The following TTC3 variants were observed in gnomAD, a reference collection of about 807,000 sequenced individuals.
The protein encoded by TTC3 is E3 ubiquitin-protein ligase TTC3.
TTC3 carries 180 observed loss-of-function variants against 249.6 expected under a neutral mutation model. The observed-to-expected ratio is 0.72, with a 90% confidence interval of 0.64 to 0.82. The LOEUF is 0.82. Ranked by LOEUF, TTC3 falls within the 40% of genes least tolerant of loss-of-function variation. The pLI, the probability that TTC3 is intolerant of heterozygous loss-of-function variation, is 0.00. For synonymous variants in TTC3, 717 were observed against 805.0 expected (o/e 0.89, Z 1.85); for missense variants, 2,061 against 2,398.4 (o/e 0.86, Z 2.94).
intron 42 of TTC3, 112 bp downstream of exon 42, chr21:37,196,148 G>T: frequency 2.9e-6 from 4 of 1,380,456 alleles, no homozygotes; most frequent in East Asian, 2.5e-5. Flanking sequence ...TTGCATAATT[G>T]TTTTGCTCAG....
intron 31 of TTC3, among the ~76,000 whole-genome samples, chr21:37,162,828 C>G (rs891714632): frequency 2.6e-5 from 4 of 151,860 alleles, no homozygotes; most frequent in South Asian, 2.1e-4. Context: ...GTCCCAAGAT[C>G]AAGGTACTGG....
chr21:37,148,529 A>AT lies in TTC3; in HGVS notation c.2017-11dup. 2 of 1,514,506 alleles carry AT rather than the reference A, an allele frequency of 1.3e-6. No homozygotes were observed. The highest frequency in any genetic ancestry group is 1.8e-6 in the Non-Finnish European group (2 of 1,129,334). The allele number at this position is 1,514,506 out of a possible 1,614,324, so 93.8% of individuals were successfully genotyped here. ...ACATCTTTAAAACGTTAATTAAAAA[A>AT]TTTTTTGTAACCCTAGGGTTTTATA... On this transcript the variant is annotated splice_polypyrimidine_tract_variant and intron_variant, in intron 22 of 45. Coordinates refer to ENST00000355666, the Ensembl canonical transcript of TTC3.
At chr21:37,076,068 T>G (rs766595900) in intron 1 of TTC3, among the ~76,000 whole-genome samples, 62 of 152,226 alleles carry the variant, frequency 4.1e-4, no homozygotes, top group Non-Finnish European at 7.9e-4. Context: ...CTTCCAGAGG[T>G]GACTACCATC....
At chr21:37,131,089 G>A (rs1718601466) in intron 16 of TTC3, among the ~76,000 whole-genome samples, 1 of 152,114 alleles carries the variant, frequency 6.6e-6, no homozygotes, top group African/African-American at 2.4e-5. Flanking sequence ...CTGGTACAGA[G>A]CTCCCAAAAC....
chr21:37,090,406 A>G, intron 6 of TTC3, 120 bp downstream of exon 6: 3 of 1,034,104 alleles, frequency 2.9e-6, no homozygotes, highest in Non-Finnish European at 4.1e-6. Flanking sequence ...ATTTGGTAGT[A>G]TTGACTTCTA....
intron 21 of TTC3, among the ~76,000 whole-genome samples, chr21:37,146,053 C>G (rs1283567525): frequency 1.3e-5 from 2 of 152,178 alleles, no homozygotes; most frequent in African/African-American, 2.4e-5. Flanking sequence ...CATGTTCTCA[C>G]AAAAACTTGT....
chr21:37,095,587 G>A (rs2073857961), intron 9 of TTC3, 143 bp downstream of exon 9: 2 of 550,698 alleles, frequency 3.6e-6, no homozygotes, highest in African/African-American at 3.9e-5. Flanking sequence ...TTGGGTGTTG[G>A]AAGCATTGGA....
chr21:37,186,723 G>A (rs376228528), intron 37 of TTC3, among the ~76,000 whole-genome samples: 11 of 152,300 alleles, frequency 7.2e-5, no homozygotes, highest in African/African-American at 2.2e-4. Flanking sequence ...CACTGTGCCC[G>A]GCCTATACAG....
intron 38 of TTC3, 123 bp downstream of exon 38, chr21:37,187,268 C>G: frequency 1.5e-6 from 1 of 676,780 alleles, no homozygotes; most frequent in South Asian, 2.1e-5. Context: ...ATCCTGTAAC[C>G]CATAATATAT....
chr21:37,150,710 C>G, intron 24 of TTC3, 110 bp from the exon 25 acceptor site: 1 of 760,528 alleles, frequency 1.3e-6, no homozygotes, highest in Non-Finnish European at 2.3e-6. Flanking sequence ...TCACTGTTCT[C>G]TATCAAACTG....
chr21:37,193,554 T>C (rs566652915), intron 41 of TTC3, among the ~76,000 whole-genome samples: 3 of 152,336 alleles, frequency 2.0e-5, no homozygotes, highest in South Asian at 4.1e-4. Context: ...TGGCTCTCAA[T>C]AGGATATTTT....
chr21:37,132,759 C>G lies in TTC3; in HGVS notation c.1436C>G (p.Ala479Gly), dbSNP rs2077580549. 1.9e-6 allele frequency: 3 copies of G among 1,601,298 alleles called. No homozygotes were observed. The East Asian group carries it at 6.8e-5, about 36-fold the overall frequency. Reference sequence around the variant, plus strand: ...CAGTTTTCTAAATCTTCCAGAGCTGCACACCAGGTAATGGAGAAGCTTTTC... The same window carrying G: ...CAGTTTTCTAAATCTTCCAGAGCTGGACACCAGGTAATGGAGAAGCTTTTC... The change falls in exon 17 of 46, where the codon GCA (alanine) becomes GGA (glycine). Residue 479 changes from alanine (A) to glycine (G), a missense_variant. Physicochemically the swap from Ala to Gly is moderately conservative, Grantham distance 60. This residue lies in a region of TTC3 where 989 missense variants were observed against 1,145.1 expected (regional missense o/e 0.86). Coordinates refer to ENST00000355666, the Ensembl canonical transcript of TTC3.
intron 12 of TTC3, among the ~76,000 whole-genome samples, chr21:37,122,239 A>G (rs905674523): frequency 2.0e-5 from 3 of 150,858 alleles, no homozygotes; most frequent in Non-Finnish European, 3.0e-5. Context: ...TCCTCTGTAG[A>G]AAAAAAAATC....
At chr21:37,150,778 G>A in intron 24 of TTC3, 42 bp from the exon 25 acceptor site, 2 of 1,351,344 alleles carry the variant, frequency 1.5e-6, no homozygotes, top group African/African-American at 1.4e-5. Context: ...TTATGTCATG[G>A]GAGTATGAGA....
At chr21:37,158,399 C>T (rs1298803727) in intron 28 of TTC3, among the ~76,000 whole-genome samples, 1 of 152,246 alleles carries the variant, frequency 6.6e-6, no homozygotes, top group Non-Finnish European at 1.5e-5. Context: ...AAGCCACTAA[C>T]CAAATTATTG....
chr21:37,151,766 A>G (rs1297984936), intron 25 of TTC3, 127 bp from the exon 26 acceptor site: 1 of 1,085,782 alleles, frequency 9.2e-7, no homozygotes, highest in Non-Finnish European at 1.3e-6. Context: ...CTTACATTGA[A>G]TGGAAGATGT....
At chr21:37,157,494 C>G (rs933944198) in intron 28 of TTC3, among the ~76,000 whole-genome samples, 1 of 152,172 alleles carries the variant, frequency 6.6e-6, no homozygotes, top group African/African-American at 2.4e-5. Flanking sequence ...GAAGCATGCA[C>G]TAATAACAGT....
chr21:37,100,491 T>C (rs946511452), intron 10 of TTC3, among the ~76,000 whole-genome samples: 1 of 145,934 alleles, frequency 6.9e-6, no homozygotes, highest in Non-Finnish European at 1.5e-5. Flanking sequence ...AGGTGAGGTA[T>C]ATATGGGGAA....
chr21:37,158,985 G>A (rs1394821851), intron 28 of TTC3, among the ~76,000 whole-genome samples: 1 of 152,066 alleles, frequency 6.6e-6, no homozygotes, highest in Non-Finnish European at 1.5e-5. Context: ...TGCAGCTAGT[G>A]ACTCTTCTAG....
Sources: allele counts gnomAD v4.1 joint callset (sites outside exome capture counted in the v4.1 genomes callset), GRCh38; gene constraint gnomAD v4.1.1; regional missense constraint gnomAD v4.1.1; transcripts MANE v1.5; gene names NCBI Gene and HGNC (gene_info 2026-07-23, HGNC 2026-07-21).